ST8SIA5: variants seen among roughly 807,000 people sequenced by gnomAD.
The protein encoded by ST8SIA5 is alpha-2,8-sialyltransferase 8E.
In ST8SIA5, 24 loss-of-function variants were observed where a neutral mutation model predicts 40.2. That is an observed-to-expected ratio of 0.60 (90% CI 0.43 to 0.84). The LOEUF is 0.84. Ranked by LOEUF, ST8SIA5 falls within the 40% of genes least tolerant of loss-of-function variation. The pLI is 0.00. For missense variants in ST8SIA5, 465 were observed against 498.5 expected, an observed-to-expected ratio of 0.93 and a Z score of 0.64; for synonymous variants, 198 against 201.8, an observed-to-expected ratio of 0.98 and a Z score of 0.16.
Position 46,756,540 on chromosome 18 carries a change from C to G in ST8SIA5, c.-32G>C. On this transcript the variant is annotated 5_prime_UTR_variant, in exon 1 of 7. Transcript: ENST00000315087. ...TACCGGGCGCCGCGGGCGCGGGGTACGGGGCGGCCAGGCAATGACTCGCGG... is the reference window on the plus strand; with the variant it reads ...TACCGGGCGCCGCGGGCGCGGGGTAGGGGGCGGCCAGGCAATGACTCGCGG... 1.2e-6 allele frequency: 2 copies of G among 1,609,166 alleles called. No homozygotes were observed. Among genetic ancestry groups the G allele is most frequent in the Non-Finnish European group, 1.7e-6 (2 of 1,177,370 alleles).
chr18:46,725,996 TATATATATATATATCCTGG>T lies in ST8SIA5; in HGVS notation c.132-21351_132-21333del, dbSNP rs1419939198. On this transcript the variant is annotated intron_variant, in intron 1 of 6. Coordinates refer to ENST00000315087, the MANE Select transcript of ST8SIA5 (RefSeq NM_013305.6). ...AAATATATATATATATATATATATA[TATATATATATATATCCTGG>T]ATATATATATATATCCTGGATATAT... Among the ~76,000 whole-genome samples the T allele has an allele frequency of 1.4e-3, 90 of 65,958 alleles. 2 individuals carry two copies. Among genetic ancestry groups the T allele is most frequent in the East Asian group, 3.6e-3 (4 of 1,102 alleles). The allele number at this position is 65,958 out of a possible 152,430, so 43.3% of individuals were successfully genotyped here. A position where few individuals can be genotyped will look rare whatever the true frequency, so the allele number is the denominator to read the frequency against.
chr18:46,739,195 C>T (rs960287642), intron 1 of ST8SIA5, among the ~76,000 whole-genome samples: 2 of 152,074 alleles, frequency 1.3e-5, no homozygotes, highest in African/African-American at 4.8e-5. Flanking sequence ...GACAGCGGGT[C>T]GGAGGCAGCG....
chr18:46,702,027 A>G (rs1376878199), intron 2 of ST8SIA5, among the ~76,000 whole-genome samples: 1 of 151,702 alleles, frequency 6.6e-6, no homozygotes, highest in African/African-American at 2.4e-5. Context: ...GGCACCTGTA[A>G]TCCCAGCTAC....
At chr18:46,716,319 C>G (rs566743940) in intron 1 of ST8SIA5, among the ~76,000 whole-genome samples, 1 of 152,140 alleles carries the variant, frequency 6.6e-6, no homozygotes, top group Non-Finnish European at 1.5e-5. Context: ...TCACTTGGCT[C>G]GCTCTTCAGC....
chr18:46,746,596 A>G (rs753814867), intron 1 of ST8SIA5, among the ~76,000 whole-genome samples: 19 of 152,256 alleles, frequency 1.2e-4, no homozygotes, highest in Non-Finnish European at 2.5e-4. Flanking sequence ...AGAACATTCT[A>G]TGCTCATGGA....
chr18:46,695,909 T>C (rs1010078024), intron 2 of ST8SIA5, among the ~76,000 whole-genome samples: 1 of 152,218 alleles, frequency 6.6e-6, no homozygotes, highest in African/African-American at 2.4e-5. Flanking sequence ...ACCCCTTGCT[T>C]CCATGGAGCT....
chr18:46,694,497 A>G (rs1172743066), intron 2 of ST8SIA5, among the ~76,000 whole-genome samples: 1 of 152,220 alleles, frequency 6.6e-6, no homozygotes, highest in Non-Finnish European at 1.5e-5. Context: ...GATCATGCAC[A>G]GTCCCCACTT....
At chr18:46,749,897 G>C (rs969754380) in intron 1 of ST8SIA5, among the ~76,000 whole-genome samples, 2 of 152,254 alleles carry the variant, frequency 1.3e-5, no homozygotes, top group African/African-American at 4.8e-5. Context: ...CACATAAGAC[G>C]AGGCCAGAGA....
chr18:46,671,363 A>T lies in ST8SIA5; in HGVS notation c.*8679T>A, dbSNP rs2039308178. 6.6e-6 allele frequency: 1 copy of T among 150,560 alleles called. No individual in the cohort carries two copies. The highest frequency in any genetic ancestry group is 1.5e-5 in the Non-Finnish European group (1 of 67,806). 9.3% of individuals were successfully genotyped at this position (150,560 alleles called of 1,614,324 possible). A position where few individuals can be genotyped will look rare whatever the true frequency, so the allele number is the denominator to read the frequency against. On this transcript the variant is annotated 3_prime_UTR_variant, in exon 7 of 7. Coordinates refer to ENST00000315087, the MANE Select transcript of ST8SIA5 (RefSeq NM_013305.6). ...GAAATGCATAAAGAAGTGAGGCTCT[A>T]ACCCTAGCTCCTGGGCTCACGGCAG...
intron 5 of ST8SIA5, chr18:46,685,916 A>G: frequency 2.0e-6 from 1 of 488,362 alleles, no homozygotes. Flanking sequence ...CTAAGTCCTC[A>G]GTGCCTTCAA....
chr18:46,721,364 G>C, intron 1 of ST8SIA5: 1 of 1,536,074 alleles, frequency 6.5e-7, no homozygotes, highest in East Asian at 2.4e-5. Context: ...GTCTGTACCT[G>C]GAGCTGGAGT....
At chr18:46,705,313 A>C (rs779230182) in intron 1 of ST8SIA5, among the ~76,000 whole-genome samples, 23 of 152,176 alleles carry the variant, frequency 1.5e-4, no homozygotes, top group Non-Finnish European at 3.1e-4. Flanking sequence ...TGTCACAGCC[A>C]CCTCAGGGTC....
intron 4 of ST8SIA5, 39 bp from the exon 5 acceptor site, chr18:46,686,325 C>T (rs747329990): frequency 3.8e-6 from 6 of 1,572,468 alleles, no homozygotes; most frequent in South Asian, 2.2e-5. Context: ...AGCCAAGCCA[C>T]CCCCTGCCTC....
chr18:46,687,590 C>A (rs980193403), intron 4 of ST8SIA5, among the ~76,000 whole-genome samples: 1 of 152,172 alleles, frequency 6.6e-6, no homozygotes, highest in Non-Finnish European at 1.5e-5. Context: ...TGGCTCAGCA[C>A]CATCCTCCCT....
chr18:46,690,465 T>C (rs2039493709), intron 3 of ST8SIA5, among the ~76,000 whole-genome samples: 1 of 152,092 alleles, frequency 6.6e-6, no homozygotes, highest in Non-Finnish European at 1.5e-5. Context: ...CTGAAACTGC[T>C]CCACACCCCT....
rs548860593 is a variant in ST8SIA5, at chr18:46,716,106, A to AGAT, written c.132-11445_132-11443dup. The stretch of plus-strand genomic sequence containing the variant: ...ACACAGGATAGATAGATAGATAGAT[A>AGAT]GATAGATAGATAGATAGATAGATAG... On this transcript the variant is annotated intron_variant, in intron 1 of 6. Coordinates refer to ENST00000315087, the MANE Select transcript of ST8SIA5 (RefSeq NM_013305.6). 6.3e-3 allele frequency among the ~76,000 whole-genome samples: 947 copies of AGAT among 151,452 alleles called. 9 individuals are homozygous for AGAT. The highest frequency in any genetic ancestry group is 0.021 in the African/African-American group (877 of 41,126).
intron 1 of ST8SIA5, among the ~76,000 whole-genome samples, chr18:46,705,947 C>A (rs1378468500): frequency 1.3e-5 from 2 of 152,166 alleles, no homozygotes; most frequent in Non-Finnish European, 2.9e-5. Context: ...ACTGGACAAA[C>A]TTATGTATGT....
intron 1 of ST8SIA5, among the ~76,000 whole-genome samples, chr18:46,729,088 C>T (rs958136880): frequency 6.6e-6 from 1 of 152,190 alleles, no homozygotes; most frequent in Non-Finnish European, 1.5e-5. Context: ...GTCCCTCAAC[C>T]TCCAACGTCC....
chr18:46,720,855 G>C (rs2039854911), intron 1 of ST8SIA5, among the ~76,000 whole-genome samples: 1 of 152,100 alleles, frequency 6.6e-6, no homozygotes, highest in Admixed American at 6.5e-5. Context: ...CCACATGATG[G>C]GGCGCATAGC....
Sources: gnomAD v4.1 joint callset for allele counts (sites outside exome capture counted in the v4.1 genomes callset) on GRCh38, gnomAD v4.1.1 for gene constraint, MANE v1.5 for transcripts, NCBI Gene and HGNC (gene_info 2026-07-23, HGNC 2026-07-21) for gene names.